GSG1L: variants seen among roughly 807,000 people sequenced by gnomAD.
The protein encoded by GSG1L is germ cell-specific gene 1-like protein.
A neutral mutation model predicts 42.1 loss-of-function variants in GSG1L; 24 were observed. The observed-to-expected ratio is 0.57, with a 90% CI of 0.41 to 0.80. The LOEUF (loss-of-function observed/expected upper bound fraction) is 0.80, where lower values mean the gene tolerates loss of function less well. GSG1L is among the 30% of genes least tolerant of loss of function. GSG1L has a pLI of 0.00. For missense variants in GSG1L, 445 were observed against 472.2 expected, an observed-to-expected ratio of 0.94 and a Z score of 0.53; for synonymous variants, 215 against 203.5, an observed-to-expected ratio of 1.06 and a Z score of -0.48.
At chr16:27,898,674 TTCTCTC>T (rs71140920) in intron 2 of GSG1L, among the ~76,000 whole-genome samples, 51 of 147,632 alleles carry the variant, frequency 3.5e-4, no homozygotes, top group Admixed American at 4.0e-4. Flanking sequence ...TCCTCCCTCT[TTCTCTC>T]TCTCTCTCTC....
intron 2 of GSG1L, among the ~76,000 whole-genome samples, chr16:27,936,884 TA>T (rs1161784415): frequency 2.6e-5 from 4 of 152,186 alleles, no homozygotes; most frequent in Non-Finnish European, 5.9e-5. Flanking sequence ...TAATTCAAAA[TA>T]AACGTCCAGG....
chr16:28,039,601 T>A (rs1379410230), intron 1 of GSG1L, among the ~76,000 whole-genome samples: 1 of 137,028 alleles, frequency 7.3e-6, no homozygotes, highest in Non-Finnish European at 1.6e-5. Flanking sequence ...ATACCCACAC[T>A]TGCACACACA....
At chr16:28,048,073 A>AT (rs1396966237) in intron 1 of GSG1L, among the ~76,000 whole-genome samples, 50 of 148,954 alleles carry the variant, frequency 3.4e-4, no homozygotes, top group Non-Finnish European at 4.4e-4. Flanking sequence ...AAAAAAAAAA[A>AT]TTTTAATTAG....
At chr16:27,973,036 G>A (rs868711473) in intron 1 of GSG1L, among the ~76,000 whole-genome samples, 27 of 152,316 alleles carry the variant, frequency 1.8e-4, no homozygotes, top group Middle Eastern at 3.4e-3. Flanking sequence ...TTCCTGCCAT[G>A]TGAGTCCTCC....
At chr16:27,996,024 A>T (rs1417694255) in intron 1 of GSG1L, among the ~76,000 whole-genome samples, 1 of 151,976 alleles carries the variant, frequency 6.6e-6, no homozygotes, top group African/African-American at 2.4e-5. Flanking sequence ...ACATAGTGAG[A>T]CCCCATATCT....
At chr16:28,058,577 G>A (rs1188491349) in intron 1 of GSG1L, among the ~76,000 whole-genome samples, 1 of 145,170 alleles carries the variant, frequency 6.9e-6, no homozygotes, top group Non-Finnish European at 1.5e-5. Flanking sequence ...GTAGTAAGCT[G>A]TGCTCACAAC....
At position 27,868,850 on chromosome 16, in the gene GSG1L, G is replaced by A. The variant is rs557838262; in HGVS notation, c.550+15636C>T. 2.0e-5 allele frequency among the ~76,000 whole-genome samples: 3 copies of A among 152,226 alleles called. No individual in the cohort carries two copies. In the South Asian group the frequency reaches 6.2e-4, roughly 32 times the overall value. The stretch of plus-strand genomic sequence containing the variant: ...TGCCATAGCTCCTGCAATATCCCCA[G>A]CTCGCTCACTCATCCACATTCCCTC... On this transcript the variant is annotated intron_variant, in intron 3 of 6. Transcript: ENST00000447459.
chr16:27,946,664 G>GAA (rs1567530145), intron 2 of GSG1L, among the ~76,000 whole-genome samples: 7 of 134,466 alleles, frequency 5.2e-5, no homozygotes, highest in Non-Finnish European at 1.1e-4. Context: ...AGAAAAGAAA[G>GAA]AAAGAAAGAA....
chr16:28,055,490 A>G (rs979358234), intron 1 of GSG1L, among the ~76,000 whole-genome samples: 19 of 138,826 alleles, frequency 1.4e-4, no homozygotes, highest in Non-Finnish European at 9.7e-5. Flanking sequence ...TTTTTTTTTT[A>G]AGACGGAGTC....
In GSG1L at chr16:28,063,033, G is replaced by T. The variant is rs753381230; in HGVS notation, c.349+43C>A. The T allele has an allele frequency of 2.7e-5, 37 of 1,354,888 alleles. No individual in the cohort carries two copies. The African/African-American group carries it at 4.9e-4, about 18-fold the overall frequency. 83.9% of individuals were successfully genotyped at this position (1,354,888 alleles called of 1,614,324 possible). On this transcript the variant is annotated intron_variant, in intron 1 of 6. Transcript: ENST00000447459. This position sits in a 1 kb window ranked among gnomAD's most constrained non-coding sequence, Gnocchi z 5.8. ...CGGGCCTCGATGGCCGCGCCGCCCC[G>T]GGGGAGCCGGAGCCGAGCTGGCCGC...
chr16:27,824,406 G>A (rs74013559), intron 5 of GSG1L, among the ~76,000 whole-genome samples: 14,794 of 152,154 alleles, frequency 0.097, 862 homozygotes, highest in African/African-American at 0.15. Flanking sequence ...GGGCAGGTGG[G>A]GCCATGGATC....
chr16:27,803,785 A>ATG (rs2082913989), intron 6 of GSG1L, among the ~76,000 whole-genome samples: 1 of 83,416 alleles, frequency 1.2e-5, no homozygotes, highest in Non-Finnish European at 2.4e-5. Context: ...ATATATATAT[A>ATG]TATATATATA....
At chr16:27,938,681 G>A (rs1401490088) in intron 2 of GSG1L, among the ~76,000 whole-genome samples, 2 of 152,240 alleles carry the variant, frequency 1.3e-5, no homozygotes, top group African/African-American at 2.4e-5. Flanking sequence ...GCAGAAAAGA[G>A]CTCTTCTGTT....
chr16:27,930,562 C>T (rs1458202221), intron 2 of GSG1L, among the ~76,000 whole-genome samples: 1 of 152,112 alleles, frequency 6.6e-6, no homozygotes, highest in Non-Finnish European at 1.5e-5. Flanking sequence ...AGTAGGTGCT[C>T]AAGAAATGTG....
At chr16:28,018,372 G>A (rs757349831) in intron 1 of GSG1L, among the ~76,000 whole-genome samples, 54 of 152,282 alleles carry the variant, frequency 3.5e-4, no homozygotes, top group Non-Finnish European at 5.9e-4. Flanking sequence ...AGATGGCTGC[G>A]GTAGCTCCAG....
At chr16:27,940,879 T>A (rs895391829) in intron 2 of GSG1L, among the ~76,000 whole-genome samples, 3 of 148,616 alleles carry the variant, frequency 2.0e-5, no homozygotes, top group African/African-American at 7.5e-5. Context: ...TAAAATAAAA[T>A]AAAAATAAAA....
chr16:27,875,856 C>T (rs1410981303), intron 3 of GSG1L, among the ~76,000 whole-genome samples: 1 of 152,132 alleles, frequency 6.6e-6, no homozygotes, highest in Non-Finnish European at 1.5e-5. Flanking sequence ...CTACTTGTAG[C>T]CATCCTCTCC....
At chr16:27,943,566 C>CTTTTTTTTTTTTTTTTTTT (rs11385465) in intron 2 of GSG1L, among the ~76,000 whole-genome samples, 1 of 67,720 alleles carries the variant, frequency 1.5e-5, no homozygotes, top group Non-Finnish European at 2.6e-5. Flanking sequence ...TTCTTTGTTT[C>CTTTTTTTTTTTTTTTTTTT]TTTTTTTTTT....
chr16:27,853,131 T>C (rs1199526957), intron 3 of GSG1L, among the ~76,000 whole-genome samples: 2 of 152,180 alleles, frequency 1.3e-5, no homozygotes, highest in Admixed American at 6.5e-5. Context: ...ACCAATCGGC[T>C]GGGGGCAGAG....
Sources: allele counts gnomAD v4.1 joint callset (sites outside exome capture counted in the v4.1 genomes callset), GRCh38; gene constraint gnomAD v4.1.1; non-coding constraint Gnocchi (gnomAD v3.1); transcripts MANE v1.5; gene names NCBI Gene and HGNC (gene_info 2026-07-23, HGNC 2026-07-21).